The following SATB1 variants were observed in gnomAD, a reference collection of about 807,000 sequenced individuals.
The protein encoded by SATB1 is SATB homeobox 1.
In SATB1, 11 loss-of-function variants were observed where a neutral mutation model predicts 86.9. That is an observed-to-expected ratio of 0.13 (90% CI 0.08 to 0.21). SATB1 has a LOEUF of 0.21. SATB1 is among the 10% of genes least tolerant of loss of function. The pLI is 1.00. For synonymous variants in SATB1, 357 were observed against 357.2 expected (o/e 1.00, Z 0.01); for missense variants, 551 against 937.6 (o/e 0.59, Z 5.39).
intron 1 of SATB1, chr3:18,421,314 C>A: frequency 5.1e-6 from 1 of 196,222 alleles, no homozygotes; most frequent in Non-Finnish European, 1.0e-5. Flanking sequence ...AAGAAAACAG[C>A]AAATTGCATT....
At chr3:18,436,162 A>T (rs4973716) in intron 2 of SATB1, among the ~76,000 whole-genome samples, 2,233 of 152,326 alleles carry the variant, frequency 0.015, 85 homozygotes, top group East Asian at 0.077. Context: ...ATCTTAGAGT[A>T]CTTTTCAAAC....
intron 1 of SATB1, among the ~76,000 whole-genome samples, chr3:18,438,385 C>T (rs1321228168): frequency 6.6e-6 from 1 of 152,102 alleles, no homozygotes; most frequent in Non-Finnish European, 1.5e-5. Flanking sequence ...TATCTCACCA[C>T]CCAAAAAAGA....
rs1298780870 is a variant in SATB1 at position 18,348,912 on chromosome 3, G to A, written c.*258C>T. 7.9e-6 allele frequency: 4 copies of A among 509,360 alleles called. No homozygotes were observed. The highest frequency in any genetic ancestry group is 2.6e-5 in the South Asian group (1 of 39,200). 31.6% of individuals were successfully genotyped at this position (509,360 alleles called of 1,614,324 possible). On this transcript the variant is annotated 3_prime_UTR_variant, in exon 11 of 11. Transcript: ENST00000338745. ...TCATGCTTACGGGGTACACACTTTG[G>A]TGCATCCCGTGAACACAAATTTTAA...
In SATB1 at chr3:18,346,309, C is replaced by G. The variant is rs762902996; in HGVS notation, c.*2861G>C. 2 of 152,062 alleles carry G rather than the reference C, an allele frequency of 1.3e-5. No individual in the cohort carries two copies. Among genetic ancestry groups the G allele is most frequent in the Non-Finnish European group, 2.9e-5 (2 of 67,980 alleles). 9.4% of individuals were successfully genotyped at this position (152,062 alleles called of 1,614,324 possible). Reference sequence around the variant, plus strand: ...CAGATGCACAAGGTTGAATATTACCCGTAAACTACCTGACTCTGCTAAGGT... The same window carrying G: ...CAGATGCACAAGGTTGAATATTACCGGTAAACTACCTGACTCTGCTAAGGT... On this transcript the variant is annotated 3_prime_UTR_variant, in exon 11 of 11. Transcript: ENST00000338745.
In SATB1 at chr3:18,345,659, T is replaced by C. The variant is rs992927711; in HGVS notation, c.*3511A>G. ...GAAGACTAGTATTGATATTTTCTGATATTTTAGATATGATTAATATTTTGG... is the reference window on the plus strand; with the variant it reads ...GAAGACTAGTATTGATATTTTCTGACATTTTAGATATGATTAATATTTTGG... On this transcript the variant is annotated 3_prime_UTR_variant, in exon 11 of 11. Coordinates refer to ENST00000338745, the MANE Select transcript of SATB1 (RefSeq NM_002971.6). The C allele has an allele frequency of 2.0e-5, 3 of 152,162 alleles. No homozygotes were observed. Among genetic ancestry groups the C allele is most frequent in the Non-Finnish European group, 4.4e-5 (3 of 67,988 alleles). 9.4% of individuals were successfully genotyped at this position (152,162 alleles called of 1,614,324 possible).
rs1480553183 is a variant in SATB1 at position 18,347,420 on chromosome 3, T to C, written c.*1750A>G. On this transcript the variant is annotated 3_prime_UTR_variant, in exon 11 of 11. Coordinates refer to ENST00000338745, the MANE Select transcript of SATB1 (RefSeq NM_002971.6). ...TACCAGGTGTGTTATTCCTATTTTC[T>C]TCATGTAGCTCTTATAGTTATGAGA... 6.6e-6 allele frequency: 1 copy of C among 152,140 alleles called. No homozygotes were observed. The highest frequency in any genetic ancestry group is 6.5e-5 in the Admixed American group (1 of 15,286). The allele number at this position is 152,140 out of a possible 1,614,324, so 9.4% of individuals were successfully genotyped here.
chr3:18,415,064 G>A (rs1337503866), intron 5 of SATB1, 47 bp downstream of exon 5: 2 of 1,604,764 alleles, frequency 1.2e-6, no homozygotes, highest in Admixed American at 3.4e-5. Flanking sequence ...CCTCAAATCA[G>A]GGTTGCCCAT....
chr3:18,432,296 G>A (rs1007363199), intron 2 of SATB1, among the ~76,000 whole-genome samples: 1 of 152,090 alleles, frequency 6.6e-6, no homozygotes, highest in African/African-American at 2.4e-5. Flanking sequence ...CGGTGAAATC[G>A]AACAGCAACT....
At chr3:18,418,005 T>C (rs1308453534) in intron 2 of SATB1, among the ~76,000 whole-genome samples, 1 of 152,190 alleles carries the variant, frequency 6.6e-6, no homozygotes, top group Non-Finnish European at 1.5e-5. Context: ...CGGAATGCTG[T>C]GGTACTCAAG....
At position 18,349,964 on chromosome 3, in the gene SATB1, T is replaced by A; in HGVS notation, c.1780-282A>T. ...GTGAAAACTCAGTGCTCTGAAAATG[T>A]GAGCCATAAAATTCACTAGAATGAT... On this transcript the variant is annotated intron_variant, in intron 10 of 10. Transcript: ENST00000338745. The surrounding 1 kb of genome is among the most constrained non-coding windows in gnomAD (Gnocchi z 5.5). The A allele has an allele frequency of 2.2e-6, 1 of 447,850 alleles. No individual in the cohort carries two copies. The highest frequency in any genetic ancestry group is 3.9e-6 in the Non-Finnish European group (1 of 258,948). 27.7% of individuals were successfully genotyped at this position (447,850 alleles called of 1,614,324 possible). A position where few individuals can be genotyped will look rare whatever the true frequency, so the allele number is the denominator to read the frequency against.
Position 18,352,054 on chromosome 3 carries a change from C to T in SATB1, c.1717G>A (p.Ala573Thr), listed in dbSNP as rs185604711. The T allele has an allele frequency of 2.4e-4, 389 of 1,614,070 alleles. No individual in the cohort carries two copies. Among genetic ancestry groups the T allele is most frequent in the Non-Finnish European group, 3.0e-4 (352 of 1,180,038 alleles). The change falls in exon 10 of 11, where the codon GCG becomes ACG. Residue 573 changes from alanine (A) to threonine (T), a missense_variant. Transcript: ENST00000338745. This position sits in a 1 kb window ranked among gnomAD's most constrained non-coding sequence, Gnocchi z 4.1. Reference protein sequence around the residue: ...RDAIYEQESNAVHHHGDRPPH... With the variant: ...RDAIYEQESNTVHHHGDRPPH... ...GGCCTGTCGCCATGGTGATGCACCG[C>T]GTTGCTCTCCTGTTCATAAATGGCA... is the stretch of plus-strand genomic sequence containing the variant.
intron 5 of SATB1, among the ~76,000 whole-genome samples, chr3:18,405,094 A>G (rs1314409248): frequency 1.3e-5 from 2 of 152,038 alleles, no homozygotes; most frequent in Admixed American, 1.3e-4. Context: ...TTACGACCCC[A>G]TTGGCATCCT....
intron 5 of SATB1, among the ~76,000 whole-genome samples, chr3:18,411,695 CG>C (rs1482132968): frequency 6.6e-6 from 1 of 151,594 alleles, no homozygotes; most frequent in Non-Finnish European, 1.5e-5. Context: ...CCACATCCAC[CG>C]AAAAAAACAA....
At chr3:18,354,642 T>C (rs1219018226) in intron 9 of SATB1, among the ~76,000 whole-genome samples, 1 of 152,128 alleles carries the variant, frequency 6.6e-6, no homozygotes, top group Non-Finnish European at 1.5e-5. Context: ...GCTGAAAAAC[T>C]CCAGTGATTT....
At chr3:18,422,967 G>A (rs767711636) in intron 1 of SATB1, among the ~76,000 whole-genome samples, 1 of 152,148 alleles carries the variant, frequency 6.6e-6, no homozygotes, top group Non-Finnish European at 1.5e-5. Context: ...CCACCTATAA[G>A]CATCTATTAA....
At position 18,347,707 on chromosome 3, in the gene SATB1, A is replaced by G. The variant is rs528283991; in HGVS notation, c.*1463T>C. ...TGTCGGAGAGTCTTTTGACCATCCT[A>G]TCTCTACTTATTAAGCAAAATGTTA... On this transcript the variant is annotated 3_prime_UTR_variant, in exon 11 of 11. Coordinates refer to ENST00000338745, the MANE Select transcript of SATB1 (RefSeq NM_002971.6). The G allele has an allele frequency of 6.6e-6, 1 of 152,212 alleles. No individual in the cohort carries two copies. Among genetic ancestry groups the G allele is most frequent in the Admixed American group, 6.5e-5 (1 of 15,278 alleles). 9.4% of individuals were successfully genotyped at this position (152,212 alleles called of 1,614,324 possible). A position where few individuals can be genotyped will look rare whatever the true frequency, so the allele number is the denominator to read the frequency against.
At chr3:18,393,878 A>G (rs1421231359) in intron 7 of SATB1, among the ~76,000 whole-genome samples, 1 of 152,240 alleles carries the variant, frequency 6.6e-6, no homozygotes, top group Non-Finnish European at 1.5e-5. Flanking sequence ...CAATAGCATG[A>G]GGGAGCGCAC....
At chr3:18,428,996 TG>T (rs1336569710), upstream of SATB1, among the ~76,000 whole-genome samples, 5 of 152,178 alleles carry the variant, frequency 3.3e-5, no homozygotes, top group East Asian at 1.9e-4. Context: ...TCTAAGGACA[TG>T]TTTTTTTTTC....
chr3:18,416,294 T>C (rs1198503808), intron 3 of SATB1, among the ~76,000 whole-genome samples, 161 bp from the exon 4 acceptor site: 1 of 152,132 alleles, frequency 6.6e-6, no homozygotes, highest in African/African-American at 2.4e-5. Flanking sequence ...AATGAAAATA[T>C]TCACAGCTTA....
Sources: allele counts gnomAD v4.1 joint callset (sites outside exome capture counted in the v4.1 genomes callset), GRCh38; gene constraint gnomAD v4.1.1; non-coding constraint Gnocchi (gnomAD v3.1); transcripts MANE v1.5; gene names NCBI Gene and HGNC (gene_info 2026-07-23, HGNC 2026-07-21).